Variants in SUGCT observed in about 807,000 individuals in gnomAD.
SUGCT encodes succinyl-CoA:glutarate CoA-transferase.
SUGCT carries 41 observed loss-of-function variants against 55.0 expected under a neutral mutation model. The ratio of observed to expected loss-of-function variants is 0.74; its 90% confidence interval spans 0.58 to 0.97. The LOEUF is 0.97. Among genes scored for constraint, SUGCT ranks in the 50% least tolerant of loss-of-function variants. The pLI is 0.00. For synonymous variants in SUGCT, 187 were observed against 200.4 expected, an observed-to-expected ratio of 0.93 and a Z score of 0.56; for missense variants, 568 against 547.8, an observed-to-expected ratio of 1.04 and a Z score of -0.37.
At chr7:40,969,902 T>A in the SUGCT span, among the ~76,000 whole-genome samples, 1 of 152,262 alleles carries the variant, frequency 6.6e-6, no homozygotes, top group African/African-American at 2.4e-5. Context: ...TATCCTGTTA[T>A]GGTGTTAGTT....
chr7:40,724,489 G>A (rs928292475), intron 12 of SUGCT, among the ~76,000 whole-genome samples: 1 of 152,020 alleles, frequency 6.6e-6, no homozygotes, highest in African/African-American at 2.4e-5. Flanking sequence ...CATGAACCTG[G>A]GAGGCGGAGC....
the SUGCT span, among the ~76,000 whole-genome samples, chr7:40,931,013 A>T: frequency 1.3e-5 from 2 of 152,128 alleles, no homozygotes; most frequent in Admixed American, 1.3e-4. Flanking sequence ...TTTCAAAGGG[A>T]ATGCTTCCAG....
At chr7:40,265,589 T>G (rs879515035) in intron 7 of SUGCT, among the ~76,000 whole-genome samples, 1 of 152,064 alleles carries the variant, frequency 6.6e-6, no homozygotes, top group Non-Finnish European at 1.5e-5. Flanking sequence ...TCTTAAATTG[T>G]GTATGTAAGT....
At chr7:40,633,400 G>T (rs1280368480) in intron 12 of SUGCT, among the ~76,000 whole-genome samples, 1 of 152,112 alleles carries the variant, frequency 6.6e-6, no homozygotes, top group Non-Finnish European at 1.5e-5. Context: ...TTTGCAGAAA[G>T]ATGGGCTTAC....
At chr7:40,622,896 A>G (rs1354779092) in intron 12 of SUGCT, among the ~76,000 whole-genome samples, 1 of 152,084 alleles carries the variant, frequency 6.6e-6, no homozygotes, top group Non-Finnish European at 1.5e-5. Context: ...ACCTTGGGCT[A>G]ATATTCTGCA....
At chr7:40,753,026 C>T (rs1308959135) in intron 13 of SUGCT, among the ~76,000 whole-genome samples, 2 of 152,106 alleles carry the variant, frequency 1.3e-5, no homozygotes, top group South Asian at 2.1e-4. Flanking sequence ...GTTTTGAGTG[C>T]AGCACATCTG....
intron 12 of SUGCT, among the ~76,000 whole-genome samples, chr7:40,648,940 G>C (rs1276381785): frequency 6.6e-6 from 1 of 152,120 alleles, no homozygotes; most frequent in African/African-American, 2.4e-5. Flanking sequence ...TGTTACAGCA[G>C]CTCTAGGAAA....
intron 12 of SUGCT, among the ~76,000 whole-genome samples, chr7:40,715,801 T>A (rs1157928406): frequency 6.6e-6 from 1 of 152,186 alleles, no homozygotes; most frequent in African/African-American, 2.4e-5. Flanking sequence ...CCCAACTCTG[T>A]ATCAGCCAAG....
At chr7:40,677,655 C>G (rs1784063290) in intron 12 of SUGCT, among the ~76,000 whole-genome samples, 1 of 152,172 alleles carries the variant, frequency 6.6e-6, no homozygotes, top group Non-Finnish European at 1.5e-5. Flanking sequence ...ATGCCCACTT[C>G]TGGCTACAAG....
At chr7:40,460,357 C>T (rs377134118) in intron 11 of SUGCT, among the ~76,000 whole-genome samples, 1 of 152,180 alleles carries the variant, frequency 6.6e-6, no homozygotes, top group South Asian at 2.1e-4. Flanking sequence ...TTTCTGGTCC[C>T]TAGTTAAATA....
chr7:40,210,543 A>ACTTTATAT (rs1787276734), intron 6 of SUGCT, among the ~76,000 whole-genome samples: 1 of 152,080 alleles, frequency 6.6e-6, no homozygotes, highest in Non-Finnish European at 1.5e-5. Flanking sequence ...CTGTATAAGA[A>ACTTTATAT]ATAGCACTCG....
At chr7:40,161,606 T>C (rs1019210917) in intron 1 of SUGCT, among the ~76,000 whole-genome samples, 7 of 152,240 alleles carry the variant, frequency 4.6e-5, no homozygotes, top group African/African-American at 1.7e-4. Context: ...GTCTTCTCCG[T>C]AGGAGAATCA....
Position 40,658,756 on chromosome 7 carries a change from G to C in SUGCT, c.1090-90678G>C, listed in dbSNP as rs183354303. On this transcript the variant is annotated intron_variant, in intron 12 of 13. Transcript: ENST00000335693. ...AGAGAGGCTGTTTAGTTTTCCTTTG[G>C]CATTTCCAGCCGTAAAATCCCACAC... Among the ~76,000 whole-genome samples the C allele has an allele frequency of 1.5e-3, 230 of 152,202 alleles. 1 individual carries two copies. The highest frequency in any genetic ancestry group is 5.4e-3 in the African/African-American group (223 of 41,520).
chr7:40,439,560 C>G (rs1788384392), intron 9 of SUGCT, among the ~76,000 whole-genome samples: 2 of 152,168 alleles, frequency 1.3e-5, no homozygotes, highest in African/African-American at 4.8e-5. Context: ...CAGTTGGGCT[C>G]TCAACATGTC....
At chr7:41,017,051 C>T in the SUGCT span, among the ~76,000 whole-genome samples, 11 of 152,212 alleles carry the variant, frequency 7.2e-5, no homozygotes, top group Non-Finnish European at 1.2e-4. Context: ...CTTTGAGCCA[C>T]GTTACTCAGC....
the SUGCT span, among the ~76,000 whole-genome samples, chr7:41,029,873 T>A: frequency 0.02 from 3,069 of 152,238 alleles, 103 homozygotes; most frequent in African/African-American, 0.069. Context: ...AGTAATAGTT[T>A]AACTGCCCTA....
At chr7:40,164,100 G>A (rs932193242) in intron 1 of SUGCT, among the ~76,000 whole-genome samples, 8 of 150,984 alleles carry the variant, frequency 5.3e-5, no homozygotes, top group African/African-American at 1.5e-4. Flanking sequence ...GATTATAGGC[G>A]TGAGCCACCA....
intron 13 of SUGCT, among the ~76,000 whole-genome samples, chr7:40,828,490 A>C (rs972696338): frequency 8.6e-5 from 13 of 151,950 alleles, no homozygotes; most frequent in Admixed American, 8.5e-4. Context: ...GGGCTTCCAA[A>C]GCACCTTCAT....
In SUGCT at chr7:40,711,226, T is replaced by C. The variant is rs143509476; in HGVS notation, c.1090-38208T>C. ...CAGCCCCTGGTGTTAAAAGAAAAGC[T>C]GGAGGCTGGGCGCGGTGGCCCATGC... On this transcript the variant is annotated intron_variant, in intron 12 of 13. Coordinates refer to ENST00000335693, the MANE Select transcript of SUGCT (RefSeq NM_001193313.2). Among the ~76,000 whole-genome samples, 372 of 152,296 alleles carry C rather than the reference T, an allele frequency of 2.4e-3. 3 individuals are homozygous for C. The highest frequency in any genetic ancestry group is 8.3e-3 in the African/African-American group (344 of 41,576).
Sources: allele counts gnomAD v4.1 joint callset (sites outside exome capture counted in the v4.1 genomes callset), GRCh38; gene constraint gnomAD v4.1.1; transcripts MANE v1.5; gene names NCBI Gene and HGNC (gene_info 2026-07-23, HGNC 2026-07-21).